The following CACNA2D4 variants were observed in gnomAD, a reference collection of about 807,000 sequenced individuals.
The protein encoded by CACNA2D4 is calcium voltage-gated channel auxiliary subunit alpha2delta 4, also known as voltage-dependent calcium channel subunit alpha-2/delta-4.
Under a neutral mutation model 163.8 loss-of-function variants are expected in CACNA2D4, and 157 were observed. The ratio of observed to expected loss-of-function variants is 0.96; its 90% CI spans 0.84 to 1.09. The LOEUF (loss-of-function observed/expected upper bound fraction) is 1.09, where lower values mean the gene tolerates loss of function less well. Ranked by LOEUF, CACNA2D4 falls within the 50% of genes least tolerant of loss-of-function variation. The pLI is 0.00. For missense variants in CACNA2D4, 1,410 were observed against 1,479.9 expected (o/e 0.95, Z 0.78); for synonymous variants, 598 against 586.9 (o/e 1.02, Z -0.27).
At position 1,882,995 on chromosome 12, in the gene CACNA2D4, AG is replaced by A; in HGVS notation, c.1356del (p.Tyr453ThrfsTer14). 6.2e-7 allele frequency: 1 copy of A among 1,612,746 alleles called. No individual in the cohort carries two copies. Among genetic ancestry groups the A allele is most frequent in the Non-Finnish European group, 8.5e-7 (1 of 1,179,454 alleles). ...MKWIACNNKG[Y>X]YTQISTLADT... is the part of the protein sequence containing the mutation. ...TCCGCCAGCGTTGAGATCTGCGTGT[AG>A]TAGCCTGCGGTGGGGAAGGCCGCGT... On this transcript the variant is annotated frameshift_variant, in exon 13 of 38. Transcript: ENST00000382722. LOFTEE classifies it high-confidence loss of function.
At chr12:1,861,450 T>G (rs1230892504) in intron 18 of CACNA2D4, among the ~76,000 whole-genome samples, 2 of 151,798 alleles carry the variant, frequency 1.3e-5, no homozygotes, top group African/African-American at 4.8e-5. Flanking sequence ...TTTACTCTTT[T>G]TTTTTTTTTG....
At chr12:1,835,354 C>T (rs1186973705) in intron 26 of CACNA2D4, 1 of 152,686 alleles carries the variant, frequency 6.5e-6, no homozygotes, top group Non-Finnish European at 1.5e-5. Flanking sequence ...CCACATGCTC[C>T]TGGATTCGCT....
At position 1,828,041 on chromosome 12, in the gene CACNA2D4, C is replaced by T. The variant is rs140663876; in HGVS notation, c.2551+12698G>A. 94 of 1,077,540 alleles carry T rather than the reference C, an allele frequency of 8.7e-5. No individual in the cohort carries two copies. Among genetic ancestry groups the T allele is most frequent in the East Asian group, 3.0e-4 (10 of 33,628 alleles). The allele number at this position is 1,077,540 out of a possible 1,614,324, so 66.7% of individuals were successfully genotyped here. A position where few individuals can be genotyped will look rare whatever the true frequency, so the allele number is the denominator to read the frequency against. The stretch of plus-strand genomic sequence containing the variant: ...CCCCTGGGCTGGAACGGGGCTCCCG[C>T]GCCTGCCTGTGCTCAGTGCTCCTCC... On this transcript the variant is annotated intron_variant, in intron 26 of 37. Transcript: ENST00000382722. The surrounding 1 kb of genome is among the most constrained non-coding windows in gnomAD (Gnocchi z 4.2).
At chr12:1,851,695 T>C (rs1271207339) in intron 23 of CACNA2D4, among the ~76,000 whole-genome samples, 1 of 20,064 alleles carries the variant, frequency 5.0e-5, no homozygotes, top group Non-Finnish European at 1.2e-4. Flanking sequence ...TTTTTTTTTT[T>C]CCAGAGATTT....
intron 13 of CACNA2D4, among the ~76,000 whole-genome samples, chr12:1,881,187 CT>C (rs1865987899): frequency 6.6e-6 from 1 of 152,190 alleles, no homozygotes; most frequent in Non-Finnish European, 1.5e-5. Flanking sequence ...GCGGTTCTCA[CT>C]GAGGGACAGG....
At position 1,802,413 on chromosome 12, in the gene CACNA2D4, C is replaced by T. The variant is rs1863371077; in HGVS notation, c.2722-769G>A. ...ACCCTCCCTCCTGCCCCCGGCTCCC[C>T]TTTTGTTGTCCATCAGCCAGCACTT... On this transcript the variant is annotated intron_variant, in intron 29 of 37. Transcript: ENST00000382722. This position sits in a 1 kb window ranked among gnomAD's most constrained non-coding sequence, Gnocchi z 4.7. Among the ~76,000 whole-genome samples the T allele has an allele frequency of 6.6e-6, 1 of 152,180 alleles. No homozygotes were observed. Among genetic ancestry groups the T allele is most frequent in the Non-Finnish European group, 1.5e-5 (1 of 68,034 alleles).
chr12:1,855,292 ATAAG>A (rs564717708), intron 22 of CACNA2D4, among the ~76,000 whole-genome samples: 57 of 152,310 alleles, frequency 3.7e-4, no homozygotes, highest in South Asian at 2.1e-3. Context: ...AAATGAATAA[ATAAG>A]TAAGTAAGTG....
intron 22 of CACNA2D4, among the ~76,000 whole-genome samples, chr12:1,855,712 G>A (rs1390996674): frequency 6.6e-6 from 1 of 152,202 alleles, no homozygotes; most frequent in Admixed American, 6.5e-5. Flanking sequence ...TCTGAATGGT[G>A]CTTTCTCCTG....
intron 4 of CACNA2D4, among the ~76,000 whole-genome samples, chr12:1,909,454 A>C (rs1233243320): frequency 6.6e-6 from 1 of 152,210 alleles, no homozygotes; most frequent in Non-Finnish European, 1.5e-5. Context: ...TCAGCCTCCC[A>C]AAGTGCTGGG....
intron 9 of CACNA2D4, among the ~76,000 whole-genome samples, 157 bp downstream of exon 9, chr12:1,885,808 G>T (rs1866124313): frequency 6.6e-6 from 1 of 152,144 alleles, no homozygotes; most frequent in African/African-American, 2.4e-5. Context: ...TTACAGGGCG[G>T]TTCCCTGGGT....
rs777036856 is a variant in CACNA2D4 at position 1,887,019 on chromosome 12, T to C, written c.832A>G (p.Asn278Asp). ...CCTGTGAGCTCTTACCAGCCGCGGT[T>C]TCGGCAGTCAAAAGTAATGACTCCA... ...ENGVITFDCR[N>D]RGWYIQAATS... The change falls in exon 7 of 38, where the codon AAC becomes GAC. Residue 278 changes from asparagine to aspartate, a missense_variant. By Grantham distance (23) the Asn-to-Asp change is conservative (BLOSUM62 1). Coordinates refer to ENST00000382722, the MANE Select transcript of CACNA2D4 (RefSeq NM_172364.5). 1 of 1,591,046 alleles carries C rather than the reference T, an allele frequency of 6.3e-7. No homozygotes were observed. Among genetic ancestry groups the C allele is most frequent in the South Asian group, 1.1e-5 (1 of 88,264 alleles).
chr12:1,814,080 G>C (rs997816257), intron 26 of CACNA2D4, among the ~76,000 whole-genome samples: 1 of 152,168 alleles, frequency 6.6e-6, no homozygotes, highest in South Asian at 2.1e-4. Context: ...CCAGCTCTTC[G>C]GGATTGAAGA....
At position 1,918,617 on chromosome 12, in the gene CACNA2D4, GC is replaced by G; in HGVS notation, c.-145del. ...CACAGCTGCAGCTCACAGAAGAGTCGCCCCACCTAGCAAGCAGGCCTCGGAG... is the reference window on the plus strand; with the variant it reads ...CACAGCTGCAGCTCACAGAAGAGTCGCCCACCTAGCAAGCAGGCCTCGGAG... On this transcript the variant is annotated 5_prime_UTR_variant, in exon 1 of 38. Coordinates refer to ENST00000382722, the MANE Select transcript of CACNA2D4 (RefSeq NM_172364.5). 1.6e-6 allele frequency: 1 copy of G among 619,928 alleles called. No individual in the cohort carries two copies. 38.4% of individuals were successfully genotyped at this position (619,928 alleles called of 1,614,324 possible).
chr12:1,821,619 G>A (rs940044980), intron 26 of CACNA2D4, among the ~76,000 whole-genome samples: 93 of 152,192 alleles, frequency 6.1e-4, no homozygotes, highest in African/African-American at 2.2e-3. Context: ...CTGAGCTTGG[G>A]TGGGGGGTAC....
In CACNA2D4 at chr12:1,798,069, A is replaced by C. The variant is rs531360821; in HGVS notation, c.2996-534T>G. On this transcript the variant is annotated intron_variant, in intron 34 of 37. Coordinates refer to ENST00000382722, the MANE Select transcript of CACNA2D4 (RefSeq NM_172364.5). The surrounding 1 kb of genome is among the most constrained non-coding windows in gnomAD (Gnocchi z 4.3). Reference sequence around the variant, plus strand: ...GGGGGCAGCCGGGCAGGTGGGCTCCAGGCCTGGGGCTGCGGAAGCCCAGAA... The same window carrying C: ...GGGGGCAGCCGGGCAGGTGGGCTCCCGGCCTGGGGCTGCGGAAGCCCAGAA... 6.6e-6 allele frequency among the ~76,000 whole-genome samples: 1 copy of C among 152,310 alleles called. No individual in the cohort carries two copies. The highest frequency in any genetic ancestry group is 2.4e-5 in the African/African-American group (1 of 41,576).
chr12:1,903,785 TACA>T (rs1258645248), intron 6 of CACNA2D4, among the ~76,000 whole-genome samples: 3 of 152,074 alleles, frequency 2.0e-5, no homozygotes, highest in Admixed American at 1.3e-4. Context: ...TGTAAATTAG[TACA>T]ACAACTATGG....
Position 1,829,793 on chromosome 12 carries a change from G to A in CACNA2D4, c.2551+10946C>T, listed in dbSNP as rs1006725598. Among the ~76,000 whole-genome samples the A allele has an allele frequency of 6.6e-6, 1 of 151,624 alleles. No individual in the cohort carries two copies. The highest frequency in any genetic ancestry group is 1.5e-5 in the Non-Finnish European group (1 of 67,860). ...ACTTCTCCATCAGTTCTCTGGCTGG[G>A]GTCTTTTCTCTAGGCTGGGTGGAAC... On this transcript the variant is annotated intron_variant, in intron 26 of 37. Transcript: ENST00000382722. The surrounding 1 kb of genome is among the most constrained non-coding windows in gnomAD (Gnocchi z 4.2).
At chr12:1,837,834 G>A (rs1220027134) in intron 26 of CACNA2D4, among the ~76,000 whole-genome samples, 1 of 152,212 alleles carries the variant, frequency 6.6e-6, no homozygotes, top group East Asian at 1.9e-4. Context: ...TCTCAGGCCT[G>A]GCACAGGTCT....
rs536502830 is a variant in CACNA2D4 at position 1,799,318 on chromosome 12, G to C, written c.2995+357C>G. Among the ~76,000 whole-genome samples the C allele has an allele frequency of 5.0e-4, 76 of 152,300 alleles. No homozygotes were observed. Among genetic ancestry groups the C allele is most frequent in the African/African-American group, 1.8e-3 (73 of 41,578 alleles). On this transcript the variant is annotated intron_variant, in intron 34 of 37. Coordinates refer to ENST00000382722, the MANE Select transcript of CACNA2D4 (RefSeq NM_172364.5). The surrounding 1 kb of genome is among the most constrained non-coding windows in gnomAD (Gnocchi z 4.7). ...TGGGGCCCCTGGAACCCGGAGTCCC[G>C]CTGAGGGCTGGGGTGCCGCTGTTTG...
Sources: allele counts gnomAD v4.1 joint callset (sites outside exome capture counted in the v4.1 genomes callset), GRCh38; gene constraint gnomAD v4.1.1; non-coding constraint Gnocchi (gnomAD v3.1); transcripts MANE v1.5; gene names NCBI Gene and HGNC (gene_info 2026-07-23, HGNC 2026-07-21).